The following MAK variants were observed in gnomAD, a reference collection of about 807,000 sequenced individuals.
MAK encodes serine/threonine-protein kinase MAK.
A neutral mutation model predicts 82.6 loss-of-function variants in MAK; 65 were observed. The ratio of observed to expected loss-of-function variants is 0.79; its 90% CI spans 0.64 to 0.97. MAK has a LOEUF of 0.97. Among genes scored for constraint, MAK ranks in the 50% least tolerant of loss-of-function variants. The pLI is 0.00. For missense variants in MAK, 703 were observed against 780.2 expected (o/e 0.90, Z 1.18); for synonymous variants, 250 against 274.2 (o/e 0.91, Z 0.87).
intron 2 of MAK, among the ~76,000 whole-genome samples, chr6:10,828,074 CAATTT>C (rs367994803): frequency 2.0e-5 from 3 of 152,118 alleles, no homozygotes; most frequent in South Asian, 2.1e-4. Flanking sequence ...TAAGCCTATT[CAATTT>C]ATTTTTCATT....
rs942101188 is a variant in MAK at position 10,762,899 on chromosome 6, T to A, written c.*1553A>T. ...CATCTTACATCTGAACAGTTGACTC[T>A]TCTATACAAAAATATCATTATTATT... On this transcript the variant is annotated 3_prime_UTR_variant, in exon 15 of 15. Transcript: ENST00000354489. The A allele has an allele frequency of 6.5e-6, 1 of 152,758 alleles. No homozygotes were observed. Among genetic ancestry groups the A allele is most frequent in the Admixed American group, 6.5e-5 (1 of 15,296 alleles). The allele number at this position is 152,758 out of a possible 1,614,324, so 9.5% of individuals were successfully genotyped here.
chr6:10,811,885 A>G (rs930253833), intron 5 of MAK, among the ~76,000 whole-genome samples: 2 of 152,118 alleles, frequency 1.3e-5, no homozygotes, highest in Non-Finnish European at 2.9e-5. Context: ...CAGTTAAGAA[A>G]ATAAAAAAAA....
intron 4 of MAK, 149 bp from the exon 5 acceptor site, chr6:10,813,872 C>T: frequency 4.4e-6 from 3 of 676,336 alleles, no homozygotes; most frequent in East Asian, 5.1e-5. Context: ...TTAAAGCTCA[C>T]ACATTTAAAA....
At chr6:10,779,151 A>C (rs2127524150) in intron 11 of MAK, among the ~76,000 whole-genome samples, 1 of 151,036 alleles carries the variant, frequency 6.6e-6, no homozygotes, top group South Asian at 2.1e-4. Context: ...AAAAAAAAAA[A>C]AAAGAAGTGC....
intron 2 of MAK, among the ~76,000 whole-genome samples, chr6:10,825,945 T>C (rs923071807): frequency 1.2e-4 from 18 of 152,198 alleles, no homozygotes; most frequent in African/African-American, 4.3e-4. Context: ...TGTCCAGTCT[T>C]GACCTCTTCA....
rs573284762 is a variant in MAK, at chr6:10,775,878, T to A, written c.1466-419A>T. Among the ~76,000 whole-genome samples the A allele has an allele frequency of 4.6e-5, 7 of 152,210 alleles. No homozygotes were observed. In the East Asian group the frequency reaches 1.4e-3, roughly 29 times the overall value. ...ATCTTGGCTCACTGCAGCCTCCACCTCCCAGGTTCAAGTGATTCTTGTGTC... is the reference window on the plus strand; with the variant it reads ...ATCTTGGCTCACTGCAGCCTCCACCACCCAGGTTCAAGTGATTCTTGTGTC... On this transcript the variant is annotated intron_variant, in intron 11 of 14. Transcript: ENST00000354489.
At chr6:10,788,124 C>T (rs1354476254) in intron 10 of MAK, among the ~76,000 whole-genome samples, 1 of 151,540 alleles carries the variant, frequency 6.6e-6, no homozygotes, top group African/African-American at 2.4e-5. Context: ...CTGAGTAGCT[C>T]GAACTACAGG....
intron 2 of MAK, among the ~76,000 whole-genome samples, chr6:10,830,086 G>T (rs2127589869): frequency 1.3e-5 from 2 of 149,234 alleles, no homozygotes; most frequent in South Asian, 4.3e-4. Flanking sequence ...AAAGTGCTGG[G>T]ATTGCAGGCA....
At chr6:10,834,709 G>A (rs1037185207) in intron 1 of MAK, among the ~76,000 whole-genome samples, 1 of 152,114 alleles carries the variant, frequency 6.6e-6, no homozygotes, top group African/African-American at 2.4e-5. Flanking sequence ...AAACAGTGAA[G>A]GGAAAGAGTG....
chr6:10,825,843 T>C (rs1778322336), intron 2 of MAK, among the ~76,000 whole-genome samples: 1 of 152,126 alleles, frequency 6.6e-6, no homozygotes, highest in Non-Finnish European at 1.5e-5. Context: ...TATTTTCCTG[T>C]CAGGCCACCA....
chr6:10,769,271 C>A, intron 14 of MAK, among the ~76,000 whole-genome samples: 1 of 152,152 alleles, frequency 6.6e-6, no homozygotes, highest in Admixed American at 6.5e-5. Flanking sequence ...TATTAAAGTT[C>A]TAATGATTGG....
At chr6:10,801,379 C>T (rs1467342460) in intron 8 of MAK, among the ~76,000 whole-genome samples, 2 of 152,186 alleles carry the variant, frequency 1.3e-5, no homozygotes, top group East Asian at 1.9e-4. Context: ...GTAGATATGT[C>T]AGGTGTAGTC....
chr6:10,792,343 G>A (rs1775160361), intron 9 of MAK, among the ~76,000 whole-genome samples: 1 of 152,206 alleles, frequency 6.6e-6, no homozygotes, highest in East Asian at 1.9e-4. Flanking sequence ...GCTCAGGGTG[G>A]TGGAGCGGGA....
rs189479229 is a variant in MAK at position 10,810,790 on chromosome 6, C to T, written c.359-1848G>A. Among the ~76,000 whole-genome samples, 392 of 152,246 alleles carry T rather than the reference C, an allele frequency of 2.6e-3. 3 individuals carry two copies. The highest frequency in any genetic ancestry group is 8.8e-3 in the African/African-American group (364 of 41,560). On this transcript the variant is annotated intron_variant, in intron 5 of 14. Transcript: ENST00000354489. The stretch of plus-strand genomic sequence containing the variant: ...TAAGTAACATCCATTTCACTATGTC[C>T]AAGAGACATTCAGATACTTTTGTAA...
At chr6:10,779,589 G>A in intron 11 of MAK, 3 of 499,368 alleles carry the variant, frequency 6.0e-6, no homozygotes, top group Non-Finnish European at 7.8e-6. Context: ...GGTAAAGAGG[G>A]GGCCCCAAAA....
intron 9 of MAK, among the ~76,000 whole-genome samples, chr6:10,794,264 T>C (rs1040497507): frequency 2.6e-5 from 4 of 152,188 alleles, no homozygotes; most frequent in African/African-American, 7.2e-5. Context: ...TTACAAGTCA[T>C]GTGGGCAATT....
intron 4 of MAK, among the ~76,000 whole-genome samples, chr6:10,815,938 A>ATC (rs1274441776): frequency 7.6e-6 from 1 of 131,386 alleles, no homozygotes; most frequent in African/African-American, 3.2e-5. Flanking sequence ...ATATATATAT[A>ATC]TATATATATG....
chr6:10,785,071 G>C, intron 10 of MAK: 1 of 419,482 alleles, frequency 2.4e-6, no homozygotes, highest in South Asian at 1.8e-5. Context: ...TATTTGTGGA[G>C]ACATGCCTGT....
chr6:10,770,006 GCTGA>G (rs1772849405), intron 14 of MAK, 101 bp downstream of exon 14: 1 of 1,601,446 alleles, frequency 6.2e-7, no homozygotes, highest in Non-Finnish European at 8.5e-7. Context: ...ATGAGGTGAG[GCTGA>G]CTAAAAGTCT....
Sources: allele counts gnomAD v4.1 joint callset (sites outside exome capture counted in the v4.1 genomes callset), GRCh38; gene constraint gnomAD v4.1.1; transcripts MANE v1.5; gene names NCBI Gene and HGNC (gene_info 2026-07-23, HGNC 2026-07-21).